Variants in FBXO15 observed in about 807,000 individuals in gnomAD.
FBXO15 encodes F-box protein 15.
Under a neutral mutation model 49.5 loss-of-function variants are expected in FBXO15, and 30 were observed. The ratio of observed to expected loss-of-function variants is 0.61; its 90% CI spans 0.45 to 0.82. The LOEUF (loss-of-function observed/expected upper bound fraction) is 0.82, where lower values mean the gene tolerates loss of function less well. Among genes scored for constraint, FBXO15 ranks in the 40% least tolerant of loss-of-function variants. The pLI is 0.00. For synonymous variants in FBXO15, 250 were observed against 232.7 expected (o/e 1.07, Z -0.68); for missense variants, 591 against 631.5 (o/e 0.94, Z 0.69).
chr18:74,099,888 C>G (rs913473796), intron 8 of FBXO15: 1 of 152,140 alleles, frequency 6.6e-6, no homozygotes, highest in African/African-American at 2.4e-5. Flanking sequence ...ATATATGCAC[C>G]TAACACTGGA....
chr18:74,073,821 T>C, intron 9 of FBXO15, 91 bp from the exon 10 acceptor site: 2 of 1,460,388 alleles, frequency 1.4e-6, no homozygotes, highest in South Asian at 1.4e-5. Flanking sequence ...TCACTAGAAA[T>C]GCTGCGTGTG....
At chr18:74,134,113 T>C (rs902016444) in intron 3 of FBXO15, among the ~76,000 whole-genome samples, 3 of 152,248 alleles carry the variant, frequency 2.0e-5, no homozygotes, top group Admixed American at 2.0e-4. Context: ...TTTGTGTGTG[T>C]GTGCATGTAT....
chr18:74,079,799 C>T lies in FBXO15; in HGVS notation c.1263+2128G>A, dbSNP rs189232691. Among the ~76,000 whole-genome samples the T allele has an allele frequency of 1.9e-3, 285 of 152,266 alleles. 2 individuals carry two copies. The highest frequency in any genetic ancestry group is 5.7e-3 in the African/African-American group (238 of 41,554). ...ACTCAACTCTGAGGTTGGAGGAAGA[C>T]GGAGATTCTCATGGGAACAGCAGGT... On this transcript the variant is annotated intron_variant, in intron 9 of 9. Coordinates refer to ENST00000419743, the MANE Select transcript of FBXO15 (RefSeq NM_001142958.2).
chr18:74,115,606 T>C (rs968543754), intron 8 of FBXO15, among the ~76,000 whole-genome samples: 5 of 152,210 alleles, frequency 3.3e-5, no homozygotes, highest in Admixed American at 1.3e-4. Flanking sequence ...TCCCTACATA[T>C]TCAATTCTAG....
At chr18:74,098,361 C>G (rs954527030) in intron 8 of FBXO15, 14 of 151,516 alleles carry the variant, frequency 9.2e-5, no homozygotes, top group African/African-American at 3.2e-4. Flanking sequence ...TTAAGGAAAC[C>G]AAAAAAAGAT....
At position 74,106,653 on chromosome 18, in the gene FBXO15, G is replaced by T. The variant is rs538719857; in HGVS notation, c.1138+16715C>A. On this transcript the variant is annotated intron_variant, in intron 8 of 9. Transcript: ENST00000419743. Reference sequence around the variant, plus strand: ...ATCCTAAGAAGATTCCCCTTAAACAGCCTGCAATATGGTTGCTATAAAAAC... The same window carrying T: ...ATCCTAAGAAGATTCCCCTTAAACATCCTGCAATATGGTTGCTATAAAAAC... 2.4e-4 allele frequency among the ~76,000 whole-genome samples: 36 copies of T among 152,226 alleles called. No homozygotes were observed. The South Asian group carries it at 7.5e-3, about 32-fold the overall frequency.
intron 8 of FBXO15, among the ~76,000 whole-genome samples, chr18:74,103,147 CA>C (rs1189230902): frequency 6.6e-6 from 1 of 151,862 alleles, no homozygotes; most frequent in East Asian, 1.9e-4. Flanking sequence ...AGAAATGTAT[CA>C]GAGAAATTTA....
At position 74,147,781 on chromosome 18, in the gene FBXO15, GCCATAGAGACAAGGAGTTCA is replaced by G. The variant is rs1194604046; in HGVS notation, c.-16_4del. ...CTGCAAGATCCGACCGCGTCCAGTCGCCATAGAGACAAGGAGTTCACCACAGGACCGCGCCAGGGCTGAAA... is the reference window on the plus strand; with the variant it reads ...CTGCAAGATCCGACCGCGTCCAGTCGCCACAGGACCGCGCCAGGGCTGAAA... On this transcript the variant is annotated start_lost and 5_prime_UTR_variant, in exon 1 of 10. Transcript: ENST00000419743. 2.6e-6 allele frequency: 4 copies of G among 1,532,782 alleles called. No individual in the cohort carries two copies. The highest frequency in any genetic ancestry group is 3.5e-6 in the Non-Finnish European group (4 of 1,141,930). The allele number at this position is 1,532,782 out of a possible 1,614,324, so 94.9% of individuals were successfully genotyped here.
At chr18:74,112,459 A>G (rs767648237) in intron 8 of FBXO15, among the ~76,000 whole-genome samples, 2 of 152,232 alleles carry the variant, frequency 1.3e-5, no homozygotes, top group African/African-American at 2.4e-5. Context: ...TACACACAGA[A>G]ACAGCATTCA....
At position 74,073,507 on chromosome 18, in the gene FBXO15, T is replaced by C. The variant is rs766524685; in HGVS notation, c.1487A>G (p.Tyr496Cys). The C allele has an allele frequency of 8.1e-6, 13 of 1,614,032 alleles. No individual in the cohort carries two copies. Among genetic ancestry groups the C allele is most frequent in the Admixed American group, 5.0e-5 (3 of 59,998 alleles). Residue 496 changes from tyrosine to cysteine, a missense_variant, in exon 10 of 10, where the codon TAT becomes TGT. Transcript: ENST00000419743. The stretch of plus-strand genomic sequence containing the variant: ...ATGGTTGATTTTTGCGATACTAAGA[T>C]AAAGGACCAGGTTGACAATAAGGTA... ...EEYLIVNLVL[Y>C]LSIAKINHWF...
intron 7 of FBXO15, among the ~76,000 whole-genome samples, chr18:74,124,133 G>C (rs1357794333): frequency 6.6e-6 from 1 of 152,106 alleles, no homozygotes; most frequent in Admixed American, 6.5e-5. Context: ...AGAATCATCC[G>C]CAGGCCAGGT....
intron 8 of FBXO15, chr18:74,097,761 C>T (rs992095203): frequency 1.3e-5 from 2 of 152,294 alleles, no homozygotes; most frequent in African/African-American, 4.8e-5. Flanking sequence ...CTACTACAGC[C>T]GATGCTCTCT....
intron 8 of FBXO15, among the ~76,000 whole-genome samples, chr18:74,117,533 C>T (rs7244538): frequency 0.26 from 40,050 of 151,878 alleles, 7,778 homozygotes; most frequent in African/African-American, 0.54. Flanking sequence ...ATACAGGAAG[C>T]ATATTACAGG....
intron 8 of FBXO15, among the ~76,000 whole-genome samples, chr18:74,114,774 T>C (rs1254901143): frequency 6.6e-6 from 1 of 152,190 alleles, no homozygotes; most frequent in African/African-American, 2.4e-5. Flanking sequence ...GAAAAGAAAT[T>C]AGATCCTTTT....
At chr18:74,116,291 T>A (rs9964213) in intron 8 of FBXO15, among the ~76,000 whole-genome samples, 13,073 of 152,252 alleles carry the variant, frequency 0.086, 1,842 homozygotes, top group African/African-American at 0.29. Flanking sequence ...TAGAAAAGAT[T>A]ATACTTTCTC....
intron 7 of FBXO15, 94 bp from the exon 8 acceptor site, chr18:74,123,604 T>A: frequency 7.5e-7 from 1 of 1,325,216 alleles, no homozygotes; most frequent in East Asian, 2.4e-5. Flanking sequence ...ACCATCTGTA[T>A]CAAAGCACTA....
intron 8 of FBXO15, among the ~76,000 whole-genome samples, chr18:74,085,138 A>G (rs1017562200): frequency 9.9e-5 from 15 of 152,116 alleles, no homozygotes; most frequent in African/African-American, 3.4e-4. Flanking sequence ...GTTTATAAAT[A>G]ATTAATACTT....
intron 8 of FBXO15, among the ~76,000 whole-genome samples, chr18:74,082,305 G>A (rs1912538041): frequency 1.3e-5 from 2 of 152,190 alleles, no homozygotes; most frequent in Non-Finnish European, 2.9e-5. Context: ...TGGCTGAGGC[G>A]AGCCTGGATA....
intron 8 of FBXO15, among the ~76,000 whole-genome samples, chr18:74,117,146 A>T (rs1037053831): frequency 2.0e-5 from 3 of 151,914 alleles, no homozygotes; most frequent in African/African-American, 7.3e-5. Flanking sequence ...AAAATGTTAC[A>T]AAGACACTCT....
Sources: allele counts gnomAD v4.1 joint callset (sites outside exome capture counted in the v4.1 genomes callset), GRCh38; gene constraint gnomAD v4.1.1; transcripts MANE v1.5; gene names NCBI Gene and HGNC (gene_info 2026-07-23, HGNC 2026-07-21).